VMA12: variants seen among roughly 807,000 people sequenced by gnomAD.
The protein encoded by VMA12 is vacuolar ATPase assembly protein VMA12.
chr17:28,357,966 TC>T, the VMA12 span: 1 of 1,424,020 alleles, frequency 7.0e-7, no homozygotes, highest in Non-Finnish European at 9.7e-7. Flanking sequence ...TTCCCCTTCT[TC>T]TACGGAGCAC....
At chr17:28,361,661 C>T in the VMA12 span, 2 of 168,674 alleles carry the variant, frequency 1.2e-5, no homozygotes, top group African/African-American at 2.4e-5. Flanking sequence ...TTTCTCCATA[C>T]ATTTTTAATG....
the VMA12 span, chr17:28,359,595 A>T: frequency 2.0e-6 from 1 of 502,560 alleles, no homozygotes; most frequent in Non-Finnish European, 3.5e-6. Context: ...GATGGTGACC[A>T]AGTTTTAAAC....
At chr17:28,358,808 A>G in the VMA12 span, 1 of 815,078 alleles carries the variant, frequency 1.2e-6, no homozygotes, top group Non-Finnish European at 2.0e-6. Context: ...ATTAATGTAG[A>G]GATGGCCCTG....
chr17:28,360,241 G>A, the VMA12 span: 151 of 300,472 alleles, frequency 5.0e-4, 1 homozygote, highest in Non-Finnish European at 8.3e-4. Flanking sequence ...ATTACAAGGT[G>A]AGCCACTGTG....
chr17:28,361,443 A>C, the VMA12 span: 1 of 590,708 alleles, frequency 1.7e-6, no homozygotes, highest in South Asian at 2.0e-5. Context: ...ATTGGAGGAG[A>C]TTGAGATAAC....
chr17:28,360,924 C>T, the VMA12 span: 2 of 1,270,686 alleles, frequency 1.6e-6, no homozygotes, highest in Non-Finnish European at 2.3e-6. Context: ...GTGAAAGTGC[C>T]TTGCACAGGT....
chr17:28,359,196 G>T, the VMA12 span: 2 of 1,081,346 alleles, frequency 1.8e-6, no homozygotes, highest in South Asian at 1.5e-5. Context: ...CTGGAGTTAC[G>T]ACTAGTATGT....
chr17:28,357,943 T>G, the VMA12 span: 1 of 1,557,018 alleles, frequency 6.4e-7, no homozygotes, highest in African/African-American at 1.4e-5. Context: ...CCTCCTGAGG[T>G]CTTTTCCCAT....
chr17:28,359,412 C>T, the VMA12 span: 13 of 1,613,552 alleles, frequency 8.1e-6, no homozygotes, highest in Non-Finnish European at 8.5e-7. Context: ...CAGGTAAGGA[C>T]ATGCTCTTCA....
chr17:28,360,448 T>C, the VMA12 span: 8 of 1,179,208 alleles, frequency 6.8e-6, 1 homozygote, highest in South Asian at 8.8e-5. Context: ...TGTTGGGGAA[T>C]AGAGAGGGCT....
At chr17:28,360,825 A>G in the VMA12 span, 1 of 1,613,894 alleles carries the variant, frequency 6.2e-7, no homozygotes, top group Non-Finnish European at 8.5e-7. Flanking sequence ...GGAAGCCAAT[A>G]TATCTTCACA....
chr17:28,363,521 T>C, the VMA12 span: 5 of 152,328 alleles, frequency 3.3e-5, no homozygotes, highest in Admixed American at 6.5e-5. Flanking sequence ...GTACAGAGTT[T>C]GGGTTTTATT....
At chr17:28,359,109 GGGGGA>G in the VMA12 span, 1 of 1,063,592 alleles carries the variant, frequency 9.4e-7, no homozygotes, top group Non-Finnish European at 1.3e-6. Flanking sequence ...TTTGGGATCT[GGGGGA>G]GCCAGATATT....
At chr17:28,358,022 C>T in the VMA12 span, 1 of 869,184 alleles carries the variant, frequency 1.2e-6, no homozygotes, top group Non-Finnish European at 1.7e-6. Context: ...CCAGGGCCAC[C>T]CACTTTCTTA....
the VMA12 span, chr17:28,362,094 C>T: frequency 6.6e-6 from 1 of 152,058 alleles, no homozygotes; most frequent in South Asian, 2.1e-4. Flanking sequence ...TGTGACAACA[C>T]AAAGCATAGC....
At chr17:28,358,476 G>T in the VMA12 span, 4 of 472,534 alleles carry the variant, frequency 8.5e-6, no homozygotes, top group South Asian at 4.6e-5. Context: ...AAGGTATTTT[G>T]CCAGAAGTAA....
the VMA12 span, chr17:28,357,866 C>A: frequency 6.2e-7 from 1 of 1,614,044 alleles, no homozygotes; most frequent in Non-Finnish European, 8.5e-7. Context: ...TCTGCACCAG[C>A]ATCTGAGAGA....
chr17:28,360,874 T>A, the VMA12 span: 1 of 1,600,888 alleles, frequency 6.2e-7, no homozygotes, highest in Non-Finnish European at 8.6e-7. Context: ...CAGGGCAGGG[T>A]GCCCCTGGTG....
chr17:28,362,240 C>CA, the VMA12 span: 1 of 151,576 alleles, frequency 6.6e-6, no homozygotes, highest in African/African-American at 2.4e-5. Context: ...CTCATTCACT[C>CA]AGTGGACACT....
Sources: allele counts gnomAD v4.1 joint callset, GRCh38; gene constraint gnomAD v4.1.1; transcripts MANE v1.5; gene names NCBI Gene and HGNC (gene_info 2026-07-23, HGNC 2026-07-21).